Variants in CFTR observed in about 807,000 individuals in gnomAD.
CFTR encodes the protein cystic fibrosis transmembrane conductance regulator.
Under a neutral mutation model 171.6 loss-of-function variants are expected in CFTR, and 181 were observed. That is an observed-to-expected ratio of 1.05 (90% confidence interval 0.93 to 1.19). The LOEUF (loss-of-function observed/expected upper bound fraction) is 1.19, where lower values mean the gene tolerates loss of function less well. Ranked by LOEUF, CFTR falls within the 50% of genes most tolerant of loss-of-function variation. The pLI is 0.00. For synonymous variants in CFTR, 583 were observed against 608.0 expected (o/e 0.96, Z 0.60); for missense variants, 1,968 against 1,734.7 (o/e 1.13, Z -2.39).
At chr7:117,577,685 C>CA (rs1791792422) in intron 11 of CFTR, among the ~76,000 whole-genome samples, 1 of 152,064 alleles carries the variant, frequency 6.6e-6, no homozygotes. Context: ...AGCTGCTATG[C>CA]AAAATACCAA....
chr7:117,603,709 G>A lies in CFTR; in HGVS notation c.2835G>A (p.Ser945=), dbSNP rs193922513. ...TGGTGCATACTCTAATCACAGTGTCGAAAATTTTACACCACAAAATGTTAC... is the reference window on the plus strand; with the variant it reads ...TGGTGCATACTCTAATCACAGTGTCAAAAATTTTACACCACAAAATGTTAC... The part of the protein sequence containing the change: ...LPLVHTLITV[S]KILHHKMLHS... Residue 945 remains serine, a synonymous_variant, in exon 17 of 27, where the codon TCG becomes TCA. Coordinates refer to ENST00000003084, the MANE Select transcript of CFTR (RefSeq NM_000492.4). 8.8e-5 allele frequency: 142 copies of A among 1,614,022 alleles called. 1 individual carries two copies. The highest frequency in any genetic ancestry group is 8.5e-4 in the South Asian group (77 of 91,082).
intron 24 of CFTR, among the ~76,000 whole-genome samples, chr7:117,654,969 A>T (rs192284505): frequency 2.8e-4 from 43 of 152,276 alleles, no homozygotes; most frequent in Admixed American, 2.7e-3. Flanking sequence ...TCATTCTTCC[A>T]TTGTCTTGGA....
Position 117,491,815 on chromosome 7 carries a change from A to G in CFTR, c.53+11668A>G, listed in dbSNP as rs561567212. Among the ~76,000 whole-genome samples the G allele has an allele frequency of 1.6e-4, 24 of 152,210 alleles. 2 individuals carry two copies. In the South Asian group the frequency reaches 2.9e-3, roughly 18 times the overall value. The stretch of plus-strand genomic sequence containing the variant: ...TTAGGTACCGGGGGTTAGGACTCAA[A>G]CATACCTTTTTTTGGGGAAACACAA... On this transcript the variant is annotated intron_variant, in intron 1 of 26. Coordinates refer to ENST00000003084, the MANE Select transcript of CFTR (RefSeq NM_000492.4).
rs778697417 is a variant in CFTR, at chr7:117,495,393, GA to G, written c.54-8859del. Among the ~76,000 whole-genome samples, 16 of 152,190 alleles carry G rather than the reference GA, an allele frequency of 1.1e-4. 1 individual carries two copies. The highest frequency in any genetic ancestry group is 2.2e-4 in the Non-Finnish European group (15 of 67,996). ...CTCTGTTATGTTTCAAGATGGGTGG[GA>G]TTTTTTTTGTAGCATTACTTATTAT... On this transcript the variant is annotated intron_variant, in intron 1 of 26. Transcript: ENST00000003084.
At chr7:117,533,157 AACTCAAAGTC>A (rs1214598765) in intron 4 of CFTR, among the ~76,000 whole-genome samples, 1 of 152,160 alleles carries the variant, frequency 6.6e-6, no homozygotes, top group Non-Finnish European at 1.5e-5. Flanking sequence ...CCTTGTGCAG[AACTCAAAGTC>A]ACTCGAGATT....
At chr7:117,521,022 T>C (rs1044688518) in intron 3 of CFTR, among the ~76,000 whole-genome samples, 1 of 152,018 alleles carries the variant, frequency 6.6e-6, no homozygotes, top group Admixed American at 6.5e-5. Flanking sequence ...TTTGAGACTT[T>C]TAAAATATGT....
intron 23 of CFTR, among the ~76,000 whole-genome samples, chr7:117,650,164 T>C (rs1793068265): frequency 6.6e-6 from 1 of 152,284 alleles, no homozygotes; most frequent in East Asian, 1.9e-4. Context: ...AATGAAATGT[T>C]CTAATTTCTG....
chr7:117,556,691 T>C (rs555286302), intron 10 of CFTR, among the ~76,000 whole-genome samples: 5 of 149,972 alleles, frequency 3.3e-5, no homozygotes, highest in Admixed American at 6.6e-5. Flanking sequence ...GGCTAATTTT[T>C]TGTATTTTTA....
At chr7:117,541,971 G>A (rs1459149662) in intron 8 of CFTR, 45 bp from the exon 9 acceptor site, 1 of 907,902 alleles carries the variant, frequency 1.1e-6, no homozygotes, top group Non-Finnish European at 1.8e-6. Context: ...ATGCATTAAT[G>A]CTATTCTGAT....
rs181137679 is a variant in CFTR at position 117,603,725 on chromosome 7, A to G, written c.2851A>G (p.Lys951Glu). ...LITVSKILHH[K>E]MLHSVLQAPM... ...CACAGTGTCGAAAATTTTACACCAC[A>G]AAATGTTACATTCTGTTCTTCAAGC... The change falls in exon 17 of 27, where the codon AAA (lysine) becomes GAA (glutamate). Residue 951 changes from lysine (K) to glutamate (E), a missense_variant. Coordinates refer to ENST00000003084, the MANE Select transcript of CFTR (RefSeq NM_000492.4). 9.9e-6 allele frequency: 16 copies of G among 1,614,070 alleles called. No individual in the cohort carries two copies. In the African/African-American group the frequency reaches 2.0e-4, roughly 20 times the overall value.
chr7:117,502,948 G>A (rs1798355621), intron 1 of CFTR, among the ~76,000 whole-genome samples: 2 of 152,174 alleles, frequency 1.3e-5, no homozygotes, highest in South Asian at 4.1e-4. Context: ...TGAAGGACAA[G>A]TTGTAGAGAT....
intron 11 of CFTR, among the ~76,000 whole-genome samples, chr7:117,573,889 CACA>C: frequency 6.6e-6 from 1 of 151,924 alleles, no homozygotes; most frequent in East Asian, 1.9e-4. Context: ...AATGATTTCC[CACA>C]ACAATTTTTG....
chr7:117,648,634 G>A (rs1374023442), intron 23 of CFTR, among the ~76,000 whole-genome samples: 1 of 152,142 alleles, frequency 6.6e-6, no homozygotes, highest in Non-Finnish European at 1.5e-5. Context: ...GTCAGTCCGA[G>A]TGTACCACGT....
chr7:117,493,311 C>T (rs183910194), intron 1 of CFTR, among the ~76,000 whole-genome samples: 1 of 151,898 alleles, frequency 6.6e-6, no homozygotes, highest in Non-Finnish European at 1.5e-5. Context: ...GAAAAAATAG[C>T]AACTTAAGTG....
intron 21 of CFTR, among the ~76,000 whole-genome samples, chr7:117,622,788 G>A (rs551655162): frequency 6.3e-4 from 96 of 152,234 alleles, no homozygotes; most frequent in African/African-American, 2.2e-3. Flanking sequence ...TCTAGAAAAA[G>A]CCTGTAAGCC....
intron 3 of CFTR, among the ~76,000 whole-genome samples, chr7:117,513,664 C>T (rs1180027992): frequency 3.3e-5 from 5 of 152,178 alleles, no homozygotes; most frequent in African/African-American, 4.8e-5. Context: ...GCATAGAGAG[C>T]CTGTGGCTTA....
chr7:117,630,492 GCA>G (rs137988324), intron 22 of CFTR, among the ~76,000 whole-genome samples: 6 of 152,192 alleles, frequency 3.9e-5, no homozygotes, highest in Non-Finnish European at 8.8e-5. Context: ...GAAAATTTAG[GCA>G]CACAGATACA....
intron 4 of CFTR, among the ~76,000 whole-genome samples, chr7:117,532,490 A>T (rs1798880112): frequency 6.6e-6 from 1 of 152,196 alleles, no homozygotes; most frequent in Non-Finnish European, 1.5e-5. Context: ...AATTTCTAAA[A>T]TAGGTAAATC....
chr7:117,576,142 T>C (rs1362473435), intron 11 of CFTR, among the ~76,000 whole-genome samples: 1 of 152,142 alleles, frequency 6.6e-6, no homozygotes, highest in South Asian at 2.1e-4. Flanking sequence ...AATTTTTTAG[T>C]AGTCCCTCCT....
Sources: gnomAD v4.1 joint callset for allele counts (sites outside exome capture counted in the v4.1 genomes callset) on GRCh38, gnomAD v4.1.1 for gene constraint, MANE v1.5 for transcripts, NCBI Gene and HGNC (gene_info 2026-07-23, HGNC 2026-07-21) for gene names.